ESR1: variants seen among roughly 807,000 people sequenced by gnomAD.
ESR1 encodes estrogen receptor 1, also known as estrogen receptor.
Under a neutral mutation model 52.7 loss-of-function variants are expected in ESR1, and 12 were observed. The ratio of observed to expected loss-of-function variants is 0.23; its 90% CI spans 0.15 to 0.37. ESR1 has a LOEUF of 0.37. Ranked by LOEUF, ESR1 falls within the 10% of genes least tolerant of loss-of-function variation. The probability of loss-of-function intolerance (pLI) is 1.00; values close to 1 mark genes in which losing one functional copy is unlikely to be tolerated. For missense variants in ESR1, 584 were observed against 779.7 expected, an observed-to-expected ratio of 0.75 and a Z score of 2.99; for synonymous variants, 305 against 316.8, an observed-to-expected ratio of 0.96 and a Z score of 0.39.
chr6:151,818,037 C>T (rs1779956851), intron 1 of ESR1, among the ~76,000 whole-genome samples: 1 of 152,186 alleles, frequency 6.6e-6, no homozygotes, highest in South Asian at 2.1e-4. Context: ...TCCTCGTGTC[C>T]TCCCTCTGAC....
At chr6:151,924,931 G>C (rs565011930) in intron 3 of ESR1, among the ~76,000 whole-genome samples, 7 of 152,200 alleles carry the variant, frequency 4.6e-5, no homozygotes, top group African/African-American at 1.7e-4. Context: ...ACATGTGCAT[G>C]TGTCTTTATG....
intron 3 of ESR1, among the ~76,000 whole-genome samples, chr6:151,910,083 A>G (rs1798039898): frequency 1.3e-5 from 2 of 151,608 alleles, no homozygotes; most frequent in South Asian, 4.2e-4. Flanking sequence ...ATAGTTCCAG[A>G]AGGATATACT....
chr6:151,842,152 C>T (rs1784389791), intron 1 of ESR1, among the ~76,000 whole-genome samples: 1 of 152,168 alleles, frequency 6.6e-6, no homozygotes. Context: ...TTTTTTGACA[C>T]ATGTTCTGTG....
intron 5 of ESR1, among the ~76,000 whole-genome samples, chr6:152,014,458 T>C (rs148207423): frequency 2.0e-3 from 311 of 152,124 alleles, no homozygotes; most frequent in African/African-American, 7.2e-3. Flanking sequence ...CAACTCAATG[T>C]TCTATAAGCT....
At chr6:152,067,871 C>T (rs1008653175) in intron 6 of ESR1, among the ~76,000 whole-genome samples, 2 of 152,130 alleles carry the variant, frequency 1.3e-5, no homozygotes, top group East Asian at 1.9e-4. Context: ...CCCTGATTCC[C>T]GCAGTGCTGA....
chr6:151,891,863 C>G (rs543888790), intron 3 of ESR1, among the ~76,000 whole-genome samples: 77 of 151,974 alleles, frequency 5.1e-4, no homozygotes, highest in African/African-American at 1.5e-3. Flanking sequence ...AGCAGAAGTA[C>G]CAAAATAAAT....
At chr6:151,675,441 G>A (rs1778219124) in intron 1 of ESR1, among the ~76,000 whole-genome samples, 1 of 152,026 alleles carries the variant, frequency 6.6e-6, no homozygotes, top group Admixed American at 6.6e-5. Context: ...AACCAAGAGG[G>A]TTAGGGGAAC....
intron 1 of ESR1, among the ~76,000 whole-genome samples, chr6:151,821,345 C>T (rs1220042225): frequency 6.6e-6 from 1 of 152,170 alleles, no homozygotes; most frequent in Non-Finnish European, 1.5e-5. Flanking sequence ...CTTGTCTAGA[C>T]AGGCCATCTG....
At chr6:151,977,937 G>A (rs7769328) in intron 4 of ESR1, among the ~76,000 whole-genome samples, 2,346 of 127,502 alleles carry the variant, frequency 0.018, 53 homozygotes, top group African/African-American at 0.065. Flanking sequence ...TAACCACCAT[G>A]AGTGAGACAG....
rs144138476 is a variant in ESR1, at chr6:151,851,033, T to C, written c.643+8246T>C. Among the ~76,000 whole-genome samples the C allele has an allele frequency of 6.6e-3, 1,001 of 152,320 alleles. 6 individuals are homozygous for C. Among genetic ancestry groups the C allele is most frequent in the Non-Finnish European group, 8.9e-3 (607 of 68,034 alleles). On this transcript the variant is annotated intron_variant, in intron 2 of 7. Coordinates refer to ENST00000206249, the MANE Select transcript of ESR1 (RefSeq NM_000125.4). Reference sequence around the variant, plus strand: ...ATGTCAATACGCAGTACAAGATCCTTTAATGACCTCCATAGCCCATGGAAT... The same window carrying C: ...ATGTCAATACGCAGTACAAGATCCTCTAATGACCTCCATAGCCCATGGAAT...
At chr6:152,083,331 C>A (rs2049401529) in intron 6 of ESR1, among the ~76,000 whole-genome samples, 1 of 152,188 alleles carries the variant, frequency 6.6e-6, no homozygotes, top group Non-Finnish European at 1.5e-5. Flanking sequence ...ACCATCTGAT[C>A]TTTGACAAAC....
intron 2 of ESR1, among the ~76,000 whole-genome samples, chr6:151,706,219 A>G (rs1466283186): frequency 1.3e-5 from 2 of 152,216 alleles, no homozygotes; most frequent in Non-Finnish European, 2.9e-5. Flanking sequence ...TTTCAATAAT[A>G]TATTGCTGCT....
chr6:151,783,073 A>G (rs1369568214), intron 2 of ESR1, among the ~76,000 whole-genome samples: 1 of 152,242 alleles, frequency 6.6e-6, no homozygotes, highest in African/African-American at 2.4e-5. Context: ...ACATACTTCC[A>G]TAGTTCCAGC....
At chr6:152,041,223 G>A (rs2045768460) in intron 5 of ESR1, among the ~76,000 whole-genome samples, 1 of 152,170 alleles carries the variant, frequency 6.6e-6, no homozygotes, top group African/African-American at 2.4e-5. Context: ...ATCCCTATCT[G>A]CCATTGACAC....
intron 2 of ESR1, among the ~76,000 whole-genome samples, chr6:151,716,062 GT>G (rs1562351360): frequency 1.3e-5 from 2 of 152,186 alleles, no homozygotes; most frequent in African/African-American, 4.8e-5. Context: ...ATTCCTTTCT[GT>G]TTGTTAGTTT....
intron 2 of ESR1, among the ~76,000 whole-genome samples, chr6:151,756,118 C>T (rs1784264857): frequency 6.6e-6 from 1 of 152,112 alleles, no homozygotes; most frequent in South Asian, 2.1e-4. Context: ...TCATTTTCTT[C>T]AGGTGATTAT....
chr6:151,908,130 A>T (rs1389813608), intron 3 of ESR1, among the ~76,000 whole-genome samples: 1 of 152,252 alleles, frequency 6.6e-6, no homozygotes, highest in East Asian at 1.9e-4. Context: ...AACAATGTAC[A>T]TGAATCGTTT....
intron 3 of ESR1, 24 bp downstream of exon 3, chr6:151,880,795 C>T (rs2128334334): frequency 7.8e-7 from 1 of 1,283,808 alleles, no homozygotes; most frequent in Non-Finnish European, 1.1e-6. Context: ...TCCCAGGGGC[C>T]CTTGGGGATG....
chr6:151,757,737 C>T (rs1388550911), intron 2 of ESR1, among the ~76,000 whole-genome samples: 1 of 152,202 alleles, frequency 6.6e-6, no homozygotes, highest in East Asian at 1.9e-4. Context: ...AAGATGAAAG[C>T]TTCAGTTCTC....
Sources: gnomAD v4.1 joint callset for allele counts (sites outside exome capture counted in the v4.1 genomes callset) on GRCh38, gnomAD v4.1.1 for gene constraint, MANE v1.5 for transcripts, NCBI Gene and HGNC (gene_info 2026-07-23, HGNC 2026-07-21) for gene names.